Variants in CAMTA1 observed in about 807,000 individuals in gnomAD.
The protein encoded by CAMTA1 is calmodulin-binding transcription activator 1.
In CAMTA1, 27 loss-of-function variants were observed where a neutral mutation model predicts 170.9. The ratio of observed to expected loss-of-function variants is 0.16; its 90% CI spans 0.12 to 0.22. CAMTA1 has a LOEUF of 0.22. Among genes scored for constraint, CAMTA1 ranks in the 10% least tolerant of loss-of-function variants. CAMTA1 has a pLI of 1.00. For missense variants in CAMTA1, 1,619 were observed against 2,217.2 expected (o/e 0.73, Z 5.42); for synonymous variants, 833 against 891.5 (o/e 0.93, Z 1.17).
chr1:7,417,332 G>A (rs1394433210), intron 5 of CAMTA1, among the ~76,000 whole-genome samples: 3 of 152,280 alleles, frequency 2.0e-5, no homozygotes. Context: ...AGTCTGCAGA[G>A]GTTACTGCTA....
At chr1:7,498,844 G>GTGTA (rs1292519189) in intron 6 of CAMTA1, among the ~76,000 whole-genome samples, 1 of 132,400 alleles carries the variant, frequency 7.6e-6, no homozygotes, top group African/African-American at 3.0e-5. Context: ...TGGTGTGCGT[G>GTGTA]TGTATGTATG....
chr1:7,703,866 C>T lies in CAMTA1; in HGVS notation c.2914+26133C>T, dbSNP rs144681097. Among the ~76,000 whole-genome samples the T allele has an allele frequency of 9.5e-3, 1,446 of 152,160 alleles. 23 individuals are homozygous for T. Among genetic ancestry groups the T allele is most frequent in the African/African-American group, 0.033 (1,357 of 41,532 alleles). On this transcript the variant is annotated intron_variant, in intron 11 of 22. Coordinates refer to ENST00000303635, the MANE Select transcript of CAMTA1 (RefSeq NM_015215.4). ...AGAGGTGCGGCTCGGGATTTGTGGC[C>T]GGGGCGAGAGACCCTCACGCAGAAG...
At chr1:7,714,547 A>G (rs1159370552) in intron 11 of CAMTA1, among the ~76,000 whole-genome samples, 2 of 151,252 alleles carry the variant, frequency 1.3e-5, no homozygotes, top group East Asian at 1.9e-4. Context: ...TTGGAGACAG[A>G]GTCTTGCCTT....
At chr1:6,911,229 A>C (rs563215572) in intron 3 of CAMTA1, among the ~76,000 whole-genome samples, 28 of 152,244 alleles carry the variant, frequency 1.8e-4, no homozygotes, top group African/African-American at 5.5e-4. Context: ...GCTGGTGGCA[A>C]ATGGCAGGCT....
At chr1:7,573,999 C>G (rs993625719) in intron 6 of CAMTA1, among the ~76,000 whole-genome samples, 9 of 139,676 alleles carry the variant, frequency 6.4e-5, no homozygotes, top group African/African-American at 2.4e-4. Flanking sequence ...TTCTCAAACT[C>G]CTGACCTCAG....
At chr1:6,814,929 C>A (rs1170348648) in intron 1 of CAMTA1, among the ~76,000 whole-genome samples, 1 of 151,946 alleles carries the variant, frequency 6.6e-6, no homozygotes, top group Non-Finnish European at 1.5e-5. Context: ...ATATATTATC[C>A]ATATACAATG....
intron 4 of CAMTA1, among the ~76,000 whole-genome samples, chr1:7,098,433 G>C (rs185137858): frequency 1.1e-4 from 17 of 152,370 alleles, no homozygotes; most frequent in African/African-American, 2.6e-4. Flanking sequence ...TGAGGGAGTT[G>C]GCGGGTGCCA....
At chr1:7,615,771 C>T (rs1014335090) in intron 6 of CAMTA1, among the ~76,000 whole-genome samples, 7 of 152,188 alleles carry the variant, frequency 4.6e-5, no homozygotes, top group African/African-American at 1.2e-4. Flanking sequence ...GCCTGCAAGA[C>T]GGATGGCTGG....
At chr1:7,563,564 C>T (rs2094991475) in intron 6 of CAMTA1, among the ~76,000 whole-genome samples, 1 of 152,218 alleles carries the variant, frequency 6.6e-6, no homozygotes. Context: ...CCTTCCACAT[C>T]AGGGTGTTAG....
At position 7,768,891 on chromosome 1, in the gene CAMTA1, G is replaced by C. The variant is rs1408909355; in HGVS notation, c.*2400G>C. On this transcript the variant is annotated 3_prime_UTR_variant, in exon 23 of 23. Coordinates refer to ENST00000303635, the MANE Select transcript of CAMTA1 (RefSeq NM_015215.4). ...TAGAACGTGAAAGCCAGCTCTTTCA[G>C]AATATCCTCTATTAATACTGAATTT... 6.6e-6 allele frequency: 1 copy of C among 152,268 alleles called. No homozygotes were observed. The highest frequency in any genetic ancestry group is 1.5e-5 in the Non-Finnish European group (1 of 68,028). The allele number at this position is 152,268 out of a possible 1,614,324, so 9.4% of individuals were successfully genotyped here.
intron 3 of CAMTA1, among the ~76,000 whole-genome samples, chr1:6,885,732 T>C (rs1170871540): frequency 6.6e-6 from 1 of 152,112 alleles, no homozygotes; most frequent in Non-Finnish European, 1.5e-5. Context: ...AGCAGAGAAA[T>C]ACCAAACCCA....
intron 4 of CAMTA1, among the ~76,000 whole-genome samples, chr1:7,136,796 C>T (rs1205111474): frequency 6.6e-6 from 1 of 152,202 alleles, no homozygotes; most frequent in Non-Finnish European, 1.5e-5. Flanking sequence ...CCGCTCTGTC[C>T]TGGCTGGCTC....
chr1:7,075,662 AT>A (rs60585573), intron 3 of CAMTA1, among the ~76,000 whole-genome samples: 63,848 of 130,204 alleles, frequency 0.49, 14,769 homozygotes, highest in African/African-American at 0.58. Context: ...AATCTCAGTG[AT>A]TTTTTTTTTT....
intron 5 of CAMTA1, among the ~76,000 whole-genome samples, chr1:7,383,335 C>T (rs940027767): frequency 3.9e-5 from 6 of 151,986 alleles, no homozygotes; most frequent in East Asian, 1.9e-4. Context: ...CTTACTCAGA[C>T]GCCTAATTAT....
At chr1:7,399,739 TG>T (rs2089740931) in intron 5 of CAMTA1, among the ~76,000 whole-genome samples, 1 of 152,218 alleles carries the variant, frequency 6.6e-6, no homozygotes, top group Non-Finnish European at 1.5e-5. Context: ...ATAGTTTTGT[TG>T]GGCATAATAT....
rs966613011 is a variant in CAMTA1 at position 6,918,091 on chromosome 1, C to G, written c.234+92881C>G. On this transcript the variant is annotated intron_variant, in intron 3 of 22. Coordinates refer to ENST00000303635, the MANE Select transcript of CAMTA1 (RefSeq NM_015215.4). The surrounding 1 kb of genome is among the most constrained non-coding windows in gnomAD (Gnocchi z 4.0). The stretch of plus-strand genomic sequence containing the variant: ...GCCTTGCTTGCTTGTCTCTAACTTT[C>G]CTTCTGTGGCTCCTAATGGTGAAGG... Among the ~76,000 whole-genome samples, 4 of 152,124 alleles carry G rather than the reference C, an allele frequency of 2.6e-5. No individual in the cohort carries two copies. The highest frequency in any genetic ancestry group is 9.7e-5 in the African/African-American group (4 of 41,412).
rs1679112633 is a variant in CAMTA1, at chr1:7,325,248, T to C, written c.438+75622T>C. 6.6e-6 allele frequency among the ~76,000 whole-genome samples: 1 copy of C among 152,078 alleles called. No homozygotes were observed. The highest frequency in any genetic ancestry group is 6.5e-5 in the Admixed American group (1 of 15,278). ...ACAATAAACATCCACGAGGAAATGATAGAAGATATCAGAAGGGGTCATGAC... is the reference window on the plus strand; with the variant it reads ...ACAATAAACATCCACGAGGAAATGACAGAAGATATCAGAAGGGGTCATGAC... On this transcript the variant is annotated intron_variant, in intron 5 of 22. Coordinates refer to ENST00000303635, the MANE Select transcript of CAMTA1 (RefSeq NM_015215.4). The surrounding 1 kb of genome is among the most constrained non-coding windows in gnomAD (Gnocchi z 5.0).
intron 6 of CAMTA1, among the ~76,000 whole-genome samples, chr1:7,496,733 G>C (rs528178350): frequency 6.6e-6 from 1 of 152,086 alleles, no homozygotes; most frequent in Admixed American, 6.5e-5. Context: ...GTGCTTGGAA[G>C]GTCGTGTTGT....
intron 3 of CAMTA1, among the ~76,000 whole-genome samples, chr1:7,027,059 C>T (rs1475792532): frequency 6.6e-6 from 1 of 152,124 alleles, no homozygotes; most frequent in Non-Finnish European, 1.5e-5. Context: ...TGGACTCCTT[C>T]CCTGGGATTC....
Sources: gnomAD v4.1 joint callset for allele counts (sites outside exome capture counted in the v4.1 genomes callset) on GRCh38, gnomAD v4.1.1 for gene constraint, Gnocchi (gnomAD v3.1) non-coding constraint, MANE v1.5 for transcripts, NCBI Gene and HGNC (gene_info 2026-07-23, HGNC 2026-07-21) for gene names.